STIP1: variants seen among roughly 807,000 people sequenced by gnomAD.
STIP1 encodes stress-induced-phosphoprotein 1.
A neutral mutation model predicts 77.4 loss-of-function variants in STIP1; 16 were observed. That is an observed-to-expected ratio of 0.21 (90% confidence interval 0.14 to 0.31). The LOEUF (loss-of-function observed/expected upper bound fraction) is 0.31. Among genes scored for constraint, STIP1 ranks in the 10% least tolerant of loss-of-function variants. The probability of loss-of-function intolerance (pLI) is 1.00; values close to 1 mark genes in which losing one functional copy is unlikely to be tolerated. For synonymous variants in STIP1, 258 were observed against 246.6 expected (o/e 1.05, Z -0.44); for missense variants, 524 against 684.8 (o/e 0.77, Z 2.62).
At position 64,204,541 on chromosome 11, in the gene STIP1, A is replaced by T; in HGVS notation, c.*415A>T. On this transcript the variant is annotated 3_prime_UTR_variant, in exon 14 of 14. Coordinates refer to ENST00000305218, the MANE Select transcript of STIP1 (RefSeq NM_006819.3). ...TAAAACAAGCCAGTTGGGCGTGGTT[A>T]TATGTTGCTTTGGCCTTGAGTGATT... 5.2e-6 allele frequency: 1 copy of T among 193,848 alleles called. No individual in the cohort carries two copies. Among genetic ancestry groups the T allele is most frequent in the Non-Finnish European group, 1.0e-5 (1 of 95,852 alleles). The allele number at this position is 193,848 out of a possible 1,614,324, so 12.0% of individuals were successfully genotyped here.
At chr11:64,199,540 A>C (rs1946192175) in intron 8 of STIP1, among the ~76,000 whole-genome samples, 1 of 138,788 alleles carries the variant, frequency 7.2e-6, no homozygotes, top group Admixed American at 8.5e-5. Context: ...TGCCAGCAAT[A>C]CTCTGAAAAT....
chr11:64,202,483 G>A (rs1487656181), intron 10 of STIP1: 1 of 162,970 alleles, frequency 6.1e-6, no homozygotes, highest in Non-Finnish European at 1.3e-5. Flanking sequence ...CCTGACCTCA[G>A]GTGATCCACC....
At chr11:64,185,631 G>A (rs999749914), upstream of STIP1, 13 of 700,146 alleles carry the variant, frequency 1.9e-5, no homozygotes, top group South Asian at 7.9e-5. Context: ...TCGGGAGCGA[G>A]AGGGAAAGCA....
chr11:64,192,338 C>T (rs979301168), intron 1 of STIP1, among the ~76,000 whole-genome samples: 5 of 152,120 alleles, frequency 3.3e-5, no homozygotes, highest in African/African-American at 9.7e-5. Context: ...AACAAAACCC[C>T]GCTGTATCCT....
Position 64,194,460 on chromosome 11 carries a change from C to G in STIP1, c.362-19C>G. ...AGTGAACTCATTTCATAGTGATGTGCTTTCCTTTATTTGGACAGAGAGAAA... is the reference window on the plus strand; with the variant it reads ...AGTGAACTCATTTCATAGTGATGTGGTTTCCTTTATTTGGACAGAGAGAAA... On this transcript the variant is annotated intron_variant, in intron 3 of 13. Coordinates refer to ENST00000305218, the MANE Select transcript of STIP1 (RefSeq NM_006819.3). 1 of 1,613,840 alleles carries G rather than the reference C, an allele frequency of 6.2e-7. No homozygotes were observed. Among genetic ancestry groups the G allele is most frequent in the East Asian group, 2.2e-5 (1 of 44,888 alleles).
In STIP1 at chr11:64,186,215, C is replaced by G. The variant is rs532815204; in HGVS notation, c.-47C>G. 60 of 1,550,062 alleles carry G rather than the reference C, an allele frequency of 3.9e-5. No individual in the cohort carries two copies. Among genetic ancestry groups the G allele is most frequent in the Non-Finnish European group, 5.0e-5 (57 of 1,146,698 alleles). On this transcript the variant is annotated 5_prime_UTR_variant, in exon 1 of 14. Transcript: ENST00000305218. ...AAGGCGGCGCGTGCGGTTGGGAACG[C>G]GGAGCGGACGGATTCGATTCAACGG...
chr11:64,189,196 A>G (rs189751747), intron 1 of STIP1, among the ~76,000 whole-genome samples: 2 of 152,308 alleles, frequency 1.3e-5, no homozygotes, highest in East Asian at 1.9e-4. Flanking sequence ...CCCTGTCTCT[A>G]TTAAAAATAC....
intron 10 of STIP1, among the ~76,000 whole-genome samples, chr11:64,200,590 CGTGTGTGTGTGTGTGTGTGT>C (rs35484605): frequency 7.1e-6 from 1 of 141,206 alleles, no homozygotes; most frequent in Admixed American, 7.1e-5. Flanking sequence ...TCTAACTGGT[CGTGTGTGTGTGTGTGTGTGT>C]GTGTGTGTGT....
At position 64,204,149 on chromosome 11, in the gene STIP1, C is replaced by T. The variant is rs1248280997; in HGVS notation, c.*23C>T. The T allele has an allele frequency of 7.4e-6, 12 of 1,613,752 alleles. No individual in the cohort carries two copies. The highest frequency in any genetic ancestry group is 1.3e-5 in the African/African-American group (1 of 74,888). On this transcript the variant is annotated 3_prime_UTR_variant, in exon 14 of 14. Transcript: ENST00000305218. Reference sequence around the variant, plus strand: ...TGATGACTTGTTCATCCCCCCTTCCCTTCGCCCTCATGTGGAAAGAGGAGC... The same window carrying T: ...TGATGACTTGTTCATCCCCCCTTCCTTTCGCCCTCATGTGGAAAGAGGAGC...
chr11:64,195,081 C>T (rs778524429), intron 4 of STIP1, among the ~76,000 whole-genome samples: 4 of 152,174 alleles, frequency 2.6e-5, no homozygotes, highest in Non-Finnish European at 4.4e-5. Flanking sequence ...GAGGAATAAA[C>T]TTGACCTCTG....
rs1946262871 is a variant in STIP1, at chr11:64,204,507, C to T, written c.*381C>T. ...TCTCACGTTGTTTATTCTGCGTCCC[C>T]TTCTCCAATAAAACAAGCCAGTTGG... On this transcript the variant is annotated 3_prime_UTR_variant, in exon 14 of 14. Coordinates refer to ENST00000305218, the MANE Select transcript of STIP1 (RefSeq NM_006819.3). 1 of 245,874 alleles carries T rather than the reference C, an allele frequency of 4.1e-6. No individual in the cohort carries two copies. The highest frequency in any genetic ancestry group is 8.3e-5 in the East Asian group (1 of 11,994). The allele number at this position is 245,874 out of a possible 1,614,324, so 15.2% of individuals were successfully genotyped here.
intron 2 of STIP1, among the ~76,000 whole-genome samples, chr11:64,193,637 T>C (rs1449953796): frequency 1.3e-5 from 2 of 151,684 alleles, no homozygotes; most frequent in Non-Finnish European, 2.9e-5. Context: ...TGCAAAAAAA[T>C]TTAGCCAGGC....
intron 1 of STIP1, among the ~76,000 whole-genome samples, chr11:64,189,116 A>G (rs893642679): frequency 1.3e-5 from 2 of 152,234 alleles, no homozygotes; most frequent in Non-Finnish European, 2.9e-5. Context: ...TAATCCCAAC[A>G]CTTTGGGAGG....
At chr11:64,189,288 G>A (rs902465572) in intron 1 of STIP1, among the ~76,000 whole-genome samples, 3 of 152,042 alleles carry the variant, frequency 2.0e-5, no homozygotes, top group Non-Finnish European at 4.4e-5. Flanking sequence ...TTGAACCCGG[G>A]AGGCGGACCT....
chr11:64,194,757 G>A, intron 4 of STIP1, 137 bp downstream of exon 4: 1 of 1,113,616 alleles, frequency 9.0e-7, no homozygotes. Context: ...GCAGTAGGTG[G>A]TGGTCGTTTA....
chr11:64,199,810 G>T lies in STIP1; in HGVS notation c.1024-130G>T, dbSNP rs193100342. ...GATCTCCTGACCTCGTGATCCACCC[G>T]CCTCGGCCTCCCAAAGTGCTGGGAT... On this transcript the variant is annotated intron_variant, in intron 8 of 13. Transcript: ENST00000305218. The T allele has an allele frequency of 3.8e-5, 35 of 914,314 alleles. No homozygotes were observed. In the African/African-American group the frequency reaches 4.9e-4, roughly 13 times the overall value. 56.6% of individuals were successfully genotyped at this position (914,314 alleles called of 1,614,324 possible). A position where few individuals can be genotyped will look rare whatever the true frequency, so the allele number is the denominator to read the frequency against.
rs1040438858 is a variant in STIP1, at chr11:64,200,265, A to G, written c.1217A>G (p.Lys406Arg). 2 of 1,613,114 alleles carry G rather than the reference A, an allele frequency of 1.2e-6. No homozygotes were observed. The highest frequency in any genetic ancestry group is 1.7e-6 in the Non-Finnish European group (2 of 1,179,700). The part of the protein sequence containing the change: ...LYSNRAACYT[K>R]LLEFQLALKD... Reference sequence around the variant, plus strand: ...AGCAATCGAGCTGCCTGCTACACCAAACTCCTGGAGTTCCAGCTGGCACTC... The same window carrying G: ...AGCAATCGAGCTGCCTGCTACACCAGACTCCTGGAGTTCCAGCTGGCACTC... The change falls in exon 10 of 14, where the codon AAA (lysine) becomes AGA (arginine). Residue 406 changes from lysine (K) to arginine (R), a missense_variant. Coordinates refer to ENST00000305218, the MANE Select transcript of STIP1 (RefSeq NM_006819.3).
At chr11:64,198,091 C>G in intron 8 of STIP1, 117 bp downstream of exon 8, 2 of 1,375,810 alleles carry the variant, frequency 1.5e-6, no homozygotes, top group Non-Finnish European at 2.0e-6. Context: ...TAGGGTCTCA[C>G]TCTTTCACCC....
At chr11:64,189,043 C>T (rs1198161564) in intron 1 of STIP1, among the ~76,000 whole-genome samples, 2 of 152,006 alleles carry the variant, frequency 1.3e-5, no homozygotes, top group Non-Finnish European at 2.9e-5. Context: ...GGTGAAACCC[C>T]GTCTCTAGTA....
Sources: allele counts gnomAD v4.1 joint callset (sites outside exome capture counted in the v4.1 genomes callset), GRCh38; gene constraint gnomAD v4.1.1; transcripts MANE v1.5; gene names NCBI Gene and HGNC (gene_info 2026-07-23, HGNC 2026-07-21).